MALRD1: variants seen among roughly 807,000 people sequenced by gnomAD.
MALRD1 encodes MAM and LDL-receptor class A domain-containing protein 1.
MALRD1 carries 247 observed loss-of-function variants against 242.1 expected under a neutral mutation model. The observed-to-expected ratio is 1.02, with a 90% CI of 0.92 to 1.13. The LOEUF is 1.13. MALRD1 is among the 50% of genes most tolerant of loss of function. The pLI, the probability that MALRD1 is intolerant of heterozygous loss-of-function variation, is 0.00. For missense variants in MALRD1, 2,989 were observed against 2,533.1 expected (o/e 1.18, Z -3.86); for synonymous variants, 995 against 866.6 (o/e 1.15, Z -2.60).
intron 10 of MALRD1, among the ~76,000 whole-genome samples, chr10:19,141,074 T>A (rs1226021798): frequency 6.6e-6 from 1 of 152,206 alleles, no homozygotes; most frequent in African/African-American, 2.4e-5. Flanking sequence ...TTGTCACTTA[T>A]ACATCAATAA....
chr10:19,099,337 G>C (rs1836164837), intron 4 of MALRD1, among the ~76,000 whole-genome samples: 5 of 152,290 alleles, frequency 3.3e-5, no homozygotes, highest in African/African-American at 7.2e-5. Context: ...TCTAGCTCCT[G>C]TATCAATGCC....
chr10:19,668,524 A>C (rs190643559), intron 36 of MALRD1, among the ~76,000 whole-genome samples: 1 of 152,308 alleles, frequency 6.6e-6, no homozygotes, highest in African/African-American at 2.4e-5. Context: ...ACTAATAAGA[A>C]AGTCAGATAA....
chr10:19,577,250 T>C (rs1331969693), intron 33 of MALRD1, among the ~76,000 whole-genome samples: 2 of 152,154 alleles, frequency 1.3e-5, no homozygotes, highest in African/African-American at 4.8e-5. Flanking sequence ...GATTCACTTA[T>C]TGGATTATAG....
chr10:19,323,563 T>A (rs948655235), intron 21 of MALRD1, among the ~76,000 whole-genome samples: 2 of 152,170 alleles, frequency 1.3e-5, no homozygotes, highest in African/African-American at 4.8e-5. Flanking sequence ...GGAAAAAATA[T>A]AAAGCAATAA....
At chr10:19,225,189 C>T (rs1006170759) in intron 18 of MALRD1, among the ~76,000 whole-genome samples, 3 of 151,892 alleles carry the variant, frequency 2.0e-5, no homozygotes, top group Non-Finnish European at 1.5e-5. Flanking sequence ...AAACAACAAG[C>T]GTATATGGGA....
intron 4 of MALRD1, 74 bp from the exon 5 acceptor site, chr10:19,103,905 T>G: frequency 1.1e-6 from 1 of 923,584 alleles, no homozygotes. Flanking sequence ...CAGGCTCTCT[T>G]TTATAACACT....
At chr10:19,532,517 G>A (rs1834465224) in intron 32 of MALRD1, among the ~76,000 whole-genome samples, 1 of 152,018 alleles carries the variant, frequency 6.6e-6, no homozygotes, top group South Asian at 2.1e-4. Context: ...GCCTCCCAGG[G>A]TGCTGGGATT....
At chr10:19,182,733 G>A (rs10827030) in intron 14 of MALRD1, among the ~76,000 whole-genome samples, 45,781 of 151,796 alleles carry the variant, frequency 0.3, 7,223 homozygotes, top group Admixed American at 0.37. Flanking sequence ...AGTTCCCTAC[G>A]TGAGCAGTTT....
chr10:19,657,066 A>G (rs548555217), intron 36 of MALRD1, among the ~76,000 whole-genome samples: 1 of 152,252 alleles, frequency 6.6e-6, no homozygotes, highest in African/African-American at 2.4e-5. Flanking sequence ...CCATCCACCA[A>G]ATTTTTCAAA....
chr10:19,250,486 G>A (rs904453994), intron 18 of MALRD1, among the ~76,000 whole-genome samples: 7 of 151,952 alleles, frequency 4.6e-5, no homozygotes. Flanking sequence ...GCATGTGAGT[G>A]TGCAGAGTTT....
chr10:19,318,448 T>G lies in MALRD1; in HGVS notation c.3420-5501T>G, dbSNP rs984798127. On this transcript the variant is annotated intron_variant, in intron 21 of 39. Transcript: ENST00000454679. ...AATTGTTTCCATAGTTTATTTTATA[T>G]TTGTCCTTATGATTGCATTTTCTAG... Among the ~76,000 whole-genome samples the G allele has an allele frequency of 1.1e-4, 17 of 151,652 alleles. 1 individual carries two copies. Among genetic ancestry groups the G allele is most frequent in the Non-Finnish European group, 1.9e-4 (13 of 67,878 alleles).
intron 32 of MALRD1, among the ~76,000 whole-genome samples, chr10:19,544,468 G>A (rs1023502235): frequency 2.0e-5 from 3 of 152,060 alleles, no homozygotes; most frequent in Non-Finnish European, 4.4e-5. Flanking sequence ...GATTGCAGAC[G>A]TGAGTCACCA....
chr10:19,431,592 G>T (rs759122780), intron 28 of MALRD1, among the ~76,000 whole-genome samples: 4 of 152,108 alleles, frequency 2.6e-5, no homozygotes, highest in Non-Finnish European at 4.4e-5. Context: ...CTCCTCAAAA[G>T]ACTTTTATTC....
At chr10:19,602,882 G>C (rs577927474) in intron 34 of MALRD1, among the ~76,000 whole-genome samples, 2 of 152,044 alleles carry the variant, frequency 1.3e-5, no homozygotes, top group African/African-American at 4.8e-5. Context: ...TTTAATGATC[G>C]CCATTCTAAC....
At chr10:19,324,181 A>T in intron 22 of MALRD1, 76 bp downstream of exon 22, 1 of 1,364,426 alleles carries the variant, frequency 7.3e-7, no homozygotes, top group Non-Finnish European at 1.0e-6. Context: ...TCATTAAAAT[A>T]TATTCTGTTA....
At position 19,303,440 on chromosome 10, in the gene MALRD1, G is replaced by A. The variant is rs1842035362; in HGVS notation, c.3419+20259G>A. Among the ~76,000 whole-genome samples, 4 of 151,662 alleles carry A rather than the reference G, an allele frequency of 2.6e-5. No homozygotes were observed. In the South Asian group the frequency reaches 8.3e-4, roughly 31 times the overall value. On this transcript the variant is annotated intron_variant, in intron 21 of 39. Coordinates refer to ENST00000454679, the MANE Select transcript of MALRD1 (RefSeq NM_001142308.3). Reference sequence around the variant, plus strand: ...GATATAAATAGAAAAACTCACAATGGAAATGGGAGATGTTAAGACACTTTG... The same window carrying A: ...GATATAAATAGAAAAACTCACAATGAAAATGGGAGATGTTAAGACACTTTG...
intron 38 of MALRD1, among the ~76,000 whole-genome samples, chr10:19,719,223 C>CATATAAATATATAT: frequency 1.3e-5 from 1 of 76,432 alleles, no homozygotes; most frequent in South Asian, 4.0e-4. Flanking sequence ...CACATACATA[C>CATATAAATATATAT]ATATATATAT....
intron 29 of MALRD1, among the ~76,000 whole-genome samples, chr10:19,472,449 T>C (rs1360602314): frequency 6.6e-6 from 1 of 152,028 alleles, no homozygotes; most frequent in Non-Finnish European, 1.5e-5. Context: ...TCTTCAGTTA[T>C]TTGTGAAAGT....
chr10:19,641,028 G>T (rs894410980), intron 36 of MALRD1, among the ~76,000 whole-genome samples: 8 of 152,174 alleles, frequency 5.3e-5, no homozygotes, highest in African/African-American at 1.9e-4. Context: ...TTTTACTAAT[G>T]GTCCCTTGGC....
Sources: gnomAD v4.1 joint callset for allele counts (sites outside exome capture counted in the v4.1 genomes callset) on GRCh38, gnomAD v4.1.1 for gene constraint, MANE v1.5 for transcripts, NCBI Gene and HGNC (gene_info 2026-07-23, HGNC 2026-07-21) for gene names.